The following CLASP1 variants were observed in gnomAD, a reference collection of about 807,000 sequenced individuals.
CLASP1 encodes cytoplasmic linker associated protein 1.
CLASP1 carries 38 observed loss-of-function variants against 192.3 expected under a neutral mutation model. The ratio of observed to expected loss-of-function variants is 0.20; its 90% CI spans 0.15 to 0.26. The LOEUF is 0.26. CLASP1 is among the 10% of genes least tolerant of loss of function. The probability of loss-of-function intolerance (pLI) is 1.00; values close to 1 mark genes in which losing one functional copy is unlikely to be tolerated. For missense variants in CLASP1, 1,433 were observed against 1,932.5 expected (o/e 0.74, Z 4.85); for synonymous variants, 691 against 712.8 (o/e 0.97, Z 0.49).
intron 1 of CLASP1, among the ~76,000 whole-genome samples, chr2:121,645,076 C>T (rs909534372): frequency 1.3e-5 from 2 of 152,108 alleles, no homozygotes; most frequent in South Asian, 2.1e-4. Context: ...AATCAGCCAT[C>T]GATTCATGTT....
At chr2:121,497,473 A>G (rs2093579072) in intron 8 of CLASP1, among the ~76,000 whole-genome samples, 1 of 152,256 alleles carries the variant, frequency 6.6e-6, no homozygotes, top group Admixed American at 6.5e-5. Flanking sequence ...ATACAGTTCC[A>G]ATCCTGTACC....
At chr2:121,404,561 A>G in intron 25 of CLASP1, 127 bp from the exon 27 acceptor site, 1 of 834,472 alleles carries the variant, frequency 1.2e-6, no homozygotes, top group East Asian at 2.7e-5. Flanking sequence ...TGATCTCCCA[A>G]GCTCAAGTGA....
chr2:121,629,717 G>T (rs1434421095), intron 1 of CLASP1, among the ~76,000 whole-genome samples: 1 of 151,730 alleles, frequency 6.6e-6, no homozygotes, highest in Non-Finnish European at 1.5e-5. Context: ...CTTGAACCTG[G>T]GAGACAGAGG....
At chr2:121,552,633 C>T (rs569574372) in intron 2 of CLASP1, among the ~76,000 whole-genome samples, 2 of 152,228 alleles carry the variant, frequency 1.3e-5, no homozygotes, top group South Asian at 4.2e-4. Flanking sequence ...CAAATCAAAA[C>T]CACAATGAGA....
chr2:121,461,279 A>C, intron 10 of CLASP1, 86 bp from the exon 11 acceptor site: 1 of 714,282 alleles, frequency 1.4e-6, no homozygotes, highest in Non-Finnish European at 2.3e-6. Flanking sequence ...AAGAACATTA[A>C]GTATGGTAAA....
intron 1 of CLASP1, among the ~76,000 whole-genome samples, chr2:121,634,083 A>G (rs1455897077): frequency 2.0e-5 from 3 of 151,906 alleles, no homozygotes; most frequent in African/African-American, 7.3e-5. Context: ...AGGCCAAAAT[A>G]GGAAGGGACC....
At chr2:121,458,962 C>G in exon 13 of CLASP1, 2 of 1,607,100 alleles carry the variant, frequency 1.2e-6, no homozygotes, top group Non-Finnish European at 1.7e-6. Flanking sequence ...TTCCCCAGAA[C>G]TGATGACAGA....
chr2:121,478,304 T>TA (rs1302705568), intron 8 of CLASP1, among the ~76,000 whole-genome samples: 2 of 151,982 alleles, frequency 1.3e-5, no homozygotes, highest in African/African-American at 4.8e-5. Flanking sequence ...CGCAACCTGA[T>TA]AAAGACCACC....
intron 35 of CLASP1, among the ~76,000 whole-genome samples, chr2:121,366,395 A>G (rs889829316): frequency 6.6e-6 from 1 of 152,254 alleles, no homozygotes; most frequent in African/African-American, 2.4e-5. Flanking sequence ...CCAAGTGATT[A>G]GGCTTTTAAT....
chr2:121,505,719 A>T (rs1051222916), intron 7 of CLASP1, among the ~76,000 whole-genome samples: 30 of 152,192 alleles, frequency 2.0e-4, no homozygotes, highest in Non-Finnish European at 1.5e-5. Context: ...TTCCATTTAA[A>T]ATAAATTTCT....
intron 2 of CLASP1, among the ~76,000 whole-genome samples, chr2:121,566,195 T>C (rs1259799241): frequency 6.6e-6 from 1 of 152,224 alleles, no homozygotes; most frequent in Non-Finnish European, 1.5e-5. Flanking sequence ...GGTAGATGTG[T>C]GGGTGCAAAA....
intron 1 of CLASP1, among the ~76,000 whole-genome samples, chr2:121,629,756 A>T (rs1172152345): frequency 6.6e-6 from 1 of 152,008 alleles, no homozygotes; most frequent in Non-Finnish European, 1.5e-5. Context: ...ACACCACTGC[A>T]CTCTAGCCTG....
chr2:121,572,002 C>T (rs541557682), intron 2 of CLASP1, among the ~76,000 whole-genome samples: 3 of 151,922 alleles, frequency 2.0e-5, no homozygotes, highest in African/African-American at 7.2e-5. Context: ...AAGAAAGCCA[C>T]TTGGCCTAGG....
chr2:121,525,948 TAGTG>T, intron 5 of CLASP1, 28 bp from the exon 6 acceptor site: 1 of 1,549,364 alleles, frequency 6.5e-7, no homozygotes, highest in Non-Finnish European at 8.9e-7. Context: ...GCTTTCTTGT[TAGTG>T]AGAACTGAGG....
exon 40 of CLASP1, chr2:121,340,225 G>A (rs1224993241): frequency 2.6e-5 from 4 of 152,226 alleles, no homozygotes; most frequent in African/African-American, 4.8e-5. Flanking sequence ...CTGTCAGGGT[G>A]CACTCCCAAT....
chr2:121,526,114 AG>A, intron 5 of CLASP1, 194 bp from the exon 6 acceptor site: 1 of 598,228 alleles, frequency 1.7e-6, no homozygotes, highest in Non-Finnish European at 3.0e-6. Context: ...TTCAAAACCT[AG>A]GGTGGCTTCT....
intron 2 of CLASP1, among the ~76,000 whole-genome samples, chr2:121,571,311 G>C (rs180856307): frequency 1.3e-5 from 2 of 152,172 alleles, no homozygotes; most frequent in African/African-American, 4.8e-5. Context: ...AAGTAGCTGG[G>C]ATTGTAGGTG....
intron 2 of CLASP1, among the ~76,000 whole-genome samples, chr2:121,593,188 A>G (rs1298404662): frequency 6.6e-6 from 1 of 152,240 alleles, no homozygotes; most frequent in Non-Finnish European, 1.5e-5. Context: ...CATCTACAGT[A>G]TTCCTGCCAA....
intron 8 of CLASP1, among the ~76,000 whole-genome samples, chr2:121,489,311 A>G (rs1176152237): frequency 6.6e-6 from 1 of 152,258 alleles, no homozygotes; most frequent in African/African-American, 2.4e-5. Context: ...GAAATGTGGC[A>G]TCTTCCAGTA....
Sources: allele counts gnomAD v4.1 joint callset (sites outside exome capture counted in the v4.1 genomes callset), GRCh38; gene constraint gnomAD v4.1.1; transcripts MANE v1.5; gene names NCBI Gene and HGNC (gene_info 2026-07-23, HGNC 2026-07-21).